The following CACNA2D1 variants were observed in gnomAD, a reference collection of about 807,000 sequenced individuals.
CACNA2D1 encodes the protein voltage-dependent calcium channel subunit alpha-2/delta-1.
Under a neutral mutation model 171.5 loss-of-function variants are expected in CACNA2D1, and 53 were observed. The observed-to-expected ratio is 0.31, with a 90% CI of 0.25 to 0.39. The LOEUF (loss-of-function observed/expected upper bound fraction) is 0.39, where lower values mean the gene tolerates loss of function less well. CACNA2D1 is among the 10% of genes least tolerant of loss of function. The probability of loss-of-function intolerance (pLI) is 1.00; values close to 1 mark genes in which losing one functional copy is unlikely to be tolerated. For missense variants in CACNA2D1, 903 were observed against 1,299.8 expected (o/e 0.69, Z 4.69); for synonymous variants, 442 against 443.1 (o/e 1.00, Z 0.03).
chr7:82,412,385 C>T (rs947202681), intron 1 of CACNA2D1, among the ~76,000 whole-genome samples: 1 of 150,126 alleles, frequency 6.7e-6, no homozygotes, highest in African/African-American at 2.5e-5. Flanking sequence ...AGGGTTCAAG[C>T]GATTCTCCTC....
Position 82,080,829 on chromosome 7 carries a change from A to C in CACNA2D1, c.658+3940T>G, listed in dbSNP as rs199713928. On this transcript the variant is annotated intron_variant, in intron 7 of 38. Coordinates refer to ENST00000356860, the MANE Select transcript of CACNA2D1 (RefSeq NM_000722.4). Reference sequence around the variant, plus strand: ...TTCAGTTTCCTTGTCAACTCACTGTAAGCTTCAATTATGTTCTTTAATGTC... The same window carrying C: ...TTCAGTTTCCTTGTCAACTCACTGTCAGCTTCAATTATGTTCTTTAATGTC... Among the ~76,000 whole-genome samples, 6 of 152,172 alleles carry C rather than the reference A, an allele frequency of 3.9e-5. No individual in the cohort carries two copies. In the East Asian group the frequency reaches 1.2e-3, roughly 29 times the overall value.
intron 3 of CACNA2D1, among the ~76,000 whole-genome samples, chr7:82,237,638 C>T (rs555913769): frequency 1.5e-4 from 23 of 152,098 alleles, no homozygotes; most frequent in African/African-American, 5.1e-4. Context: ...CTAAAACACA[C>T]ATTAAGTATA....
intron 18 of CACNA2D1, among the ~76,000 whole-genome samples, chr7:82,000,371 T>C (rs1315693117): frequency 6.6e-6 from 1 of 152,126 alleles, no homozygotes; most frequent in Non-Finnish European, 1.5e-5. Flanking sequence ...CTGACATATA[T>C]ATATTTAATT....
At chr7:82,337,768 G>A (rs1309396124) in intron 2 of CACNA2D1, among the ~76,000 whole-genome samples, 1 of 152,124 alleles carries the variant, frequency 6.6e-6, no homozygotes, top group African/African-American at 2.4e-5. Flanking sequence ...GTAGCATATA[G>A]ACAGACTTAA....
chr7:81,988,921 T>C (rs963554524), intron 21 of CACNA2D1, among the ~76,000 whole-genome samples: 1 of 152,120 alleles, frequency 6.6e-6, no homozygotes, highest in Non-Finnish European at 1.5e-5. Context: ...TGTGTGTGCA[T>C]GATGTTAAAT....
intron 6 of CACNA2D1, among the ~76,000 whole-genome samples, chr7:82,116,078 G>A (rs548434850): frequency 3.2e-4 from 49 of 152,210 alleles, no homozygotes; most frequent in African/African-American, 9.1e-4. Flanking sequence ...ACACTCTACC[G>A]CGTCTCAATT....
intron 6 of CACNA2D1, among the ~76,000 whole-genome samples, chr7:82,109,596 T>C (rs1424107759): frequency 6.6e-6 from 1 of 150,944 alleles, no homozygotes; most frequent in East Asian, 1.9e-4. Context: ...ACAATGAAAC[T>C]ATCAAATAAA....
At chr7:82,066,776 A>C (rs1807682314) in intron 7 of CACNA2D1, among the ~76,000 whole-genome samples, 1 of 152,104 alleles carries the variant, frequency 6.6e-6, no homozygotes, top group Admixed American at 6.5e-5. Context: ...TTACACATAC[A>C]GTTTTTCCGG....
At chr7:82,157,006 G>A (rs1794441706) in intron 4 of CACNA2D1, among the ~76,000 whole-genome samples, 1 of 152,038 alleles carries the variant, frequency 6.6e-6, no homozygotes, top group African/African-American at 2.4e-5. Context: ...TCTTCTAAAG[G>A]AATGTAAAGC....
chr7:81,971,456 G>C (rs1562799286), intron 26 of CACNA2D1, among the ~76,000 whole-genome samples: 2 of 151,490 alleles, frequency 1.3e-5, no homozygotes, highest in Non-Finnish European at 3.0e-5. Flanking sequence ...TGGATGTATG[G>C]TAATGCTATT....
At chr7:82,055,656 C>T (rs1045437484) in intron 10 of CACNA2D1, among the ~76,000 whole-genome samples, 5 of 148,818 alleles carry the variant, frequency 3.4e-5, no homozygotes, top group African/African-American at 5.0e-5. Flanking sequence ...AGCAAACTAT[C>T]GCAAGGACAA....
chr7:82,293,091 C>T (rs1585370758), intron 3 of CACNA2D1, among the ~76,000 whole-genome samples: 1 of 151,904 alleles, frequency 6.6e-6, no homozygotes, highest in South Asian at 2.1e-4. Flanking sequence ...GGAGAGTCTC[C>T]TTAACTTTAC....
intron 3 of CACNA2D1, among the ~76,000 whole-genome samples, chr7:82,232,234 C>T (rs1254272574): frequency 1.3e-5 from 2 of 152,120 alleles, no homozygotes; most frequent in African/African-American, 4.8e-5. Context: ...GAAGAAATAG[C>T]ACCCCAAATT....
chr7:82,294,898 T>C (rs1812074341), intron 3 of CACNA2D1, among the ~76,000 whole-genome samples: 1 of 152,132 alleles, frequency 6.6e-6, no homozygotes, highest in East Asian at 1.9e-4. Context: ...TATAAACATC[T>C]ACATGACAAA....
At chr7:82,002,472 T>C (rs921990761) in intron 18 of CACNA2D1, among the ~76,000 whole-genome samples, 3 of 152,230 alleles carry the variant, frequency 2.0e-5, no homozygotes, top group African/African-American at 7.2e-5. Context: ...TTAAAAAGTT[T>C]TAACGTTTCA....
chr7:82,315,357 T>TG (rs1814989429), intron 3 of CACNA2D1, among the ~76,000 whole-genome samples: 1 of 151,834 alleles, frequency 6.6e-6, no homozygotes, highest in Admixed American at 6.6e-5. Flanking sequence ...AACTTTCAAA[T>TG]GATCATGTAC....
At chr7:82,438,013 T>C (rs1023395247) in intron 1 of CACNA2D1, among the ~76,000 whole-genome samples, 1 of 152,188 alleles carries the variant, frequency 6.6e-6, no homozygotes, top group Admixed American at 6.5e-5. Flanking sequence ...ATAGTTTCTT[T>C]CTCACACTTG....
chr7:82,289,733 G>A (rs546157189), intron 3 of CACNA2D1, among the ~76,000 whole-genome samples: 3 of 152,216 alleles, frequency 2.0e-5, no homozygotes, highest in East Asian at 3.9e-4. Flanking sequence ...TAATATTTAC[G>A]GCCTTTTTAA....
chr7:82,108,181 T>C (rs1787969617), intron 6 of CACNA2D1, among the ~76,000 whole-genome samples: 1 of 152,202 alleles, frequency 6.6e-6, no homozygotes, highest in African/African-American at 2.4e-5. Flanking sequence ...GAAACATACT[T>C]GTGAGAGGTA....
Sources: allele counts gnomAD v4.1 joint callset (sites outside exome capture counted in the v4.1 genomes callset), GRCh38; gene constraint gnomAD v4.1.1; transcripts MANE v1.5; gene names NCBI Gene and HGNC (gene_info 2026-07-23, HGNC 2026-07-21).